Variants in UBE2O observed in about 807,000 individuals in gnomAD.
UBE2O encodes ubiquitin conjugating enzyme E2 O.
UBE2O carries 15 observed loss-of-function variants against 125.8 expected under a neutral mutation model. The ratio of observed to expected loss-of-function variants is 0.12; its 90% CI spans 0.08 to 0.18. The LOEUF (loss-of-function observed/expected upper bound fraction) is 0.18, where lower values mean the gene tolerates loss of function less well. Ranked by LOEUF, UBE2O falls within the 10% of genes least tolerant of loss-of-function variation. The pLI, the probability that UBE2O is intolerant of heterozygous loss-of-function variation, is 1.00. For synonymous variants in UBE2O, 708 were observed against 703.2 expected, an observed-to-expected ratio of 1.01 and a Z score of -0.11; for missense variants, 1,280 against 1,723.6, an observed-to-expected ratio of 0.74 and a Z score of 4.56.
In UBE2O at chr17:76,391,829, C is replaced by A; in HGVS notation, c.3151-16G>T. The stretch of plus-strand genomic sequence containing the variant: ...TCTCTGTCCCCTGAAACACACAGGG[C>A]ACCATCAATTCTGTTCCCCAGGCCC... On this transcript the variant is annotated splice_polypyrimidine_tract_variant and intron_variant, in intron 16 of 17. Coordinates refer to ENST00000319380, the MANE Select transcript of UBE2O (RefSeq NM_022066.4). This position sits in a 1 kb window ranked among gnomAD's most constrained non-coding sequence, Gnocchi z 8.4. 1.2e-6 allele frequency: 2 copies of A among 1,614,000 alleles called. No homozygotes were observed. Among genetic ancestry groups the A allele is most frequent in the African/African-American group, 1.3e-5 (1 of 75,038 alleles).
chr17:76,405,020 G>A lies in UBE2O; in HGVS notation c.588+186C>T, dbSNP rs1350199625. 1.3e-5 allele frequency among the ~76,000 whole-genome samples: 2 copies of A among 152,210 alleles called. No individual in the cohort carries two copies. Among genetic ancestry groups the A allele is most frequent in the Admixed American group, 6.5e-5 (1 of 15,284 alleles). On this transcript the variant is annotated intron_variant, in intron 3 of 17. Coordinates refer to ENST00000319380, the MANE Select transcript of UBE2O (RefSeq NM_022066.4). The surrounding 1 kb of genome is among the most constrained non-coding windows in gnomAD (Gnocchi z 6.1). The stretch of plus-strand genomic sequence containing the variant: ...GGGGAAGGGCACGTCCTGACCTCAT[G>A]TCTAAATGGCTTACTTGAAAGCAGC...
chr17:76,391,682 C>T lies in UBE2O; in HGVS notation c.3209-69G>A. ...ACAATGCAGGCCTACCCTCCACCTGCCAGGGGGACTATCAGAGTCACTTTC... is the reference window on the plus strand; with the variant it reads ...ACAATGCAGGCCTACCCTCCACCTGTCAGGGGGACTATCAGAGTCACTTTC... On this transcript the variant is annotated intron_variant, in intron 17 of 17. Transcript: ENST00000319380. The surrounding 1 kb of genome is among the most constrained non-coding windows in gnomAD (Gnocchi z 8.4). 1.9e-6 allele frequency: 3 copies of T among 1,602,760 alleles called. No individual in the cohort carries two copies. The highest frequency in any genetic ancestry group is 2.6e-6 in the Non-Finnish European group (3 of 1,172,634).
chr17:76,433,527 C>T (rs555253031), intron 1 of UBE2O, among the ~76,000 whole-genome samples: 12 of 151,200 alleles, frequency 7.9e-5, no homozygotes, highest in South Asian at 2.1e-4. Context: ...ACCGTACAAC[C>T]GTTTGAGTAT....
At chr17:76,408,336 G>A (rs1247478080) in intron 1 of UBE2O, among the ~76,000 whole-genome samples, 3 of 152,086 alleles carry the variant, frequency 2.0e-5, no homozygotes, top group Non-Finnish European at 2.9e-5. Context: ...CACTGTCTTC[G>A]CCCATGAGGT....
rs2072069156 is a variant in UBE2O at position 76,389,708 on chromosome 17, T to C, written c.*1235A>G. On this transcript the variant is annotated 3_prime_UTR_variant, in exon 18 of 18. Transcript: ENST00000319380. ...TGCCACGGTGTGTGGTCCGGCTCCA[T>C]CCTCCCGCAGCTCTGCTGGCTGGGC... The C allele has an allele frequency of 6.6e-6, 1 of 151,926 alleles. No individual in the cohort carries two copies. The highest frequency in any genetic ancestry group is 1.5e-5 in the Non-Finnish European group (1 of 67,954). The allele number at this position is 151,926 out of a possible 1,614,324, so 9.4% of individuals were successfully genotyped here. A position where few individuals can be genotyped will look rare whatever the true frequency, so the allele number is the denominator to read the frequency against.
intron 1 of UBE2O, among the ~76,000 whole-genome samples, chr17:76,419,397 G>T (rs938296187): frequency 1.3e-5 from 2 of 151,990 alleles, no homozygotes; most frequent in Non-Finnish European, 2.9e-5. Context: ...TGCTGATATG[G>T]GGGTGTAATG....
Position 76,390,867 on chromosome 17 carries a change from G to GGGTGA in UBE2O, c.*71_*75dup. On this transcript the variant is annotated 3_prime_UTR_variant, in exon 18 of 18. Transcript: ENST00000319380. ...TGGGGACAGAGGGGCATGGGAAGAG[G>GGGTGA]GGTGATTCCGGGGGGGAGTGAGCAG... 1 of 1,438,598 alleles carries GGGTGA rather than the reference G, an allele frequency of 7.0e-7. No individual in the cohort carries two copies. Among genetic ancestry groups the GGGTGA allele is most frequent in the South Asian group, 1.3e-5 (1 of 75,076 alleles). The allele number at this position is 1,438,598 out of a possible 1,614,324, so 89.1% of individuals were successfully genotyped here. A position where few individuals can be genotyped will look rare whatever the true frequency, so the allele number is the denominator to read the frequency against.
chr17:76,430,304 T>C (rs2072884592), intron 1 of UBE2O: 1 of 152,802 alleles, frequency 6.5e-6, no homozygotes. Context: ...AATGAATATG[T>C]TCAATCTACC....
intron 13 of UBE2O, among the ~76,000 whole-genome samples, chr17:76,397,359 G>A (rs948415590): frequency 2.6e-5 from 4 of 152,198 alleles, no homozygotes; most frequent in Admixed American, 6.5e-5. Flanking sequence ...CCAACCAGGA[G>A]GCGAGGGAAG....
At chr17:76,440,370 C>T (rs577003095) in intron 1 of UBE2O, among the ~76,000 whole-genome samples, 9 of 152,292 alleles carry the variant, frequency 5.9e-5, no homozygotes, top group African/African-American at 2.2e-4. Flanking sequence ...GTTGCCTAGG[C>T]TTAAGGGCAA....
At chr17:76,443,594 ATT>A (rs5822135) in intron 1 of UBE2O, among the ~76,000 whole-genome samples, 37 of 150,056 alleles carry the variant, frequency 2.5e-4, no homozygotes, top group African/African-American at 7.4e-4. Flanking sequence ...CAGTCAGAAC[ATT>A]TTTTTTTTTT....
chr17:76,390,825 G>C lies in UBE2O; in HGVS notation c.*118C>G, dbSNP rs1159858942. The C allele has an allele frequency of 3.0e-6, 3 of 1,011,340 alleles. No homozygotes were observed. Among genetic ancestry groups the C allele is most frequent in the Non-Finnish European group, 4.3e-6 (3 of 694,518 alleles). The allele number at this position is 1,011,340 out of a possible 1,614,324, so 62.6% of individuals were successfully genotyped here. On this transcript the variant is annotated 3_prime_UTR_variant, in exon 18 of 18. Transcript: ENST00000319380. ...CATCAAACTCACCTTGGGGAGAAGA[G>C]GGCAGTGGGTTTGCAGTGGGGACAG...
intron 1 of UBE2O, among the ~76,000 whole-genome samples, chr17:76,451,310 C>T (rs181469503): frequency 3.3e-5 from 5 of 152,322 alleles, no homozygotes; most frequent in Non-Finnish European, 5.9e-5. Context: ...CATTCTGTTG[C>T]ACAAAAGTAA....
rs200219712 is a variant in UBE2O, at chr17:76,395,877, G to C, written c.2810-16C>G. 6.2e-7 allele frequency: 1 copy of C among 1,613,996 alleles called. No individual in the cohort carries two copies. Among genetic ancestry groups the C allele is most frequent in the Non-Finnish European group, 8.5e-7 (1 of 1,180,030 alleles). ...GAATGATTTGCTAGAGGGGGGAAGAGAATAGTCAGTCCCTCATGGAGAGGC... is the reference window on the plus strand; with the variant it reads ...GAATGATTTGCTAGAGGGGGGAAGACAATAGTCAGTCCCTCATGGAGAGGC... On this transcript the variant is annotated splice_polypyrimidine_tract_variant and intron_variant, in intron 14 of 17. Transcript: ENST00000319380. This position sits in a 1 kb window ranked among gnomAD's most constrained non-coding sequence, Gnocchi z 5.0.
chr17:76,446,661 C>T lies in UBE2O; in HGVS notation c.417+6064G>A, dbSNP rs191559497. 8.4e-4 allele frequency among the ~76,000 whole-genome samples: 128 copies of T among 152,284 alleles called. 1 individual carries two copies. The highest frequency in any genetic ancestry group is 7.5e-3 in the Admixed American group (114 of 15,292). On this transcript the variant is annotated intron_variant, in intron 1 of 17. Coordinates refer to ENST00000319380, the MANE Select transcript of UBE2O (RefSeq NM_022066.4). ...CTGTCTCATGACTCAGCATTCCCAG[C>T]CGAAGGATGACAGCAGCAGAGCGGA...
intron 1 of UBE2O, among the ~76,000 whole-genome samples, chr17:76,433,983 T>C (rs1327747395): frequency 2.6e-5 from 4 of 152,172 alleles, no homozygotes; most frequent in Non-Finnish European, 5.9e-5. Context: ...CCAGAACTTG[T>C]CTCAAACTAT....
intron 1 of UBE2O, among the ~76,000 whole-genome samples, chr17:76,433,447 A>G (rs769572032): frequency 1.3e-5 from 2 of 149,950 alleles, no homozygotes; most frequent in Non-Finnish European, 3.0e-5. Context: ...GAAATATGGT[A>G]TGACTCCTAA....
intron 1 of UBE2O, among the ~76,000 whole-genome samples, chr17:76,447,045 G>C (rs7219520): frequency 0.025 from 3,733 of 152,220 alleles, 75 homozygotes; most frequent in African/African-American, 0.054. Context: ...CTGCCCACTG[G>C]CACAACTTCC....
At chr17:76,433,562 C>G (rs975744243) in intron 1 of UBE2O, among the ~76,000 whole-genome samples, 3 of 150,870 alleles carry the variant, frequency 2.0e-5, no homozygotes, top group South Asian at 4.3e-4. Context: ...GAACTGCACA[C>G]TTTAAAAGGG....
Sources: gnomAD v4.1 joint callset for allele counts (sites outside exome capture counted in the v4.1 genomes callset) on GRCh38, gnomAD v4.1.1 for gene constraint, Gnocchi (gnomAD v3.1) non-coding constraint, MANE v1.5 for transcripts, NCBI Gene and HGNC (gene_info 2026-07-23, HGNC 2026-07-21) for gene names.